Variants in TTC6 observed in about 807,000 individuals in gnomAD.
TTC6 encodes tetratricopeptide repeat domain 6, also known as tetratricopeptide repeat protein 6.
Under a neutral mutation model 210.4 loss-of-function variants are expected in TTC6, and 172 were observed. The ratio of observed to expected loss-of-function variants is 0.82; its 90% confidence interval spans 0.72 to 0.93. The LOEUF is 0.93. TTC6 is among the 40% of genes least tolerant of loss of function. TTC6 has a pLI of 0.00. For synonymous variants in TTC6, 804 were observed against 819.6 expected, an observed-to-expected ratio of 0.98 and a Z score of 0.32; for missense variants, 2,414 against 2,318.1, an observed-to-expected ratio of 1.04 and a Z score of -0.85.
chr14:37,791,333 G>A (rs1213580380), intron 16 of TTC6, among the ~76,000 whole-genome samples: 2 of 152,088 alleles, frequency 1.3e-5, no homozygotes, highest in African/African-American at 4.8e-5. Context: ...ATATGTTCAG[G>A]GAGAAATATA....
intron 1 of TTC6, among the ~76,000 whole-genome samples, chr14:37,643,762 C>T (rs2095696606): frequency 6.6e-6 from 1 of 152,100 alleles, no homozygotes; most frequent in Admixed American, 6.6e-5. Flanking sequence ...CCAAATTTCC[C>T]CTCAAGAACA....
At chr14:37,622,909 C>T (rs2095654190) in exon 1 of TTC6, 2 of 1,534,914 alleles carry the variant, frequency 1.3e-6, no homozygotes, top group South Asian at 1.2e-5. Context: ...GAGATCATCG[C>T]CTCTCTGCAG....
chr14:37,737,763 TAA>T, intron 9 of TTC6, 29 bp downstream of exon 11: 1 of 1,239,922 alleles, frequency 8.1e-7, no homozygotes, highest in Non-Finnish European at 1.1e-6. Flanking sequence ...TTTTACTCTC[TAA>T]AAGAAACATT....
upstream of TTC6, among the ~76,000 whole-genome samples, chr14:37,620,902 G>A (rs187976952): frequency 6.6e-6 from 1 of 152,274 alleles, no homozygotes; most frequent in East Asian, 1.9e-4. Context: ...TCAGACTCAG[G>A]CTCCAGCTAC....
At chr14:37,622,951 T>A (rs2095654307) in exon 1 of TTC6, 16 of 1,527,168 alleles carry the variant, frequency 1.0e-5, no homozygotes, top group Non-Finnish European at 1.4e-5. Flanking sequence ...GACCAGACCA[T>A]CAAAGAGCTC....
At chr14:37,744,054 T>C (rs927216149) in intron 10 of TTC6, among the ~76,000 whole-genome samples, 2 of 152,204 alleles carry the variant, frequency 1.3e-5, no homozygotes, top group Non-Finnish European at 2.9e-5. Context: ...ATATTTTCAA[T>C]GAAGGCAAAG....
intron 1 of TTC6, among the ~76,000 whole-genome samples, chr14:37,661,054 T>A (rs996180719): frequency 6.6e-6 from 1 of 152,220 alleles, no homozygotes; most frequent in East Asian, 1.9e-4. Flanking sequence ...CTTGTAAATT[T>A]GTTTGAGTTC....
intron 16 of TTC6, among the ~76,000 whole-genome samples, chr14:37,791,234 C>T (rs773429465): frequency 1.3e-5 from 2 of 152,016 alleles, no homozygotes; most frequent in Non-Finnish European, 2.9e-5. Flanking sequence ...GGACAGGATA[C>T]AACTCAATGG....
intron 20 of TTC6, among the ~76,000 whole-genome samples, chr14:37,798,904 T>G (rs2096099052): frequency 6.6e-6 from 1 of 152,176 alleles, no homozygotes; most frequent in Non-Finnish European, 1.5e-5. Flanking sequence ...TATTTAGTGT[T>G]AGACCAACCA....
intron 4 of TTC6, among the ~76,000 whole-genome samples, chr14:37,700,036 A>G (rs2095821955): frequency 6.6e-6 from 1 of 152,144 alleles, no homozygotes; most frequent in Non-Finnish European, 1.5e-5. Flanking sequence ...AGGAAGAGCA[A>G]TTTCAACAAG....
chr14:37,705,469 C>T (rs1452294342), intron 5 of TTC6, among the ~76,000 whole-genome samples: 3 of 152,044 alleles, frequency 2.0e-5, no homozygotes, highest in African/African-American at 7.2e-5. Context: ...TATGGGATTC[C>T]AGACTTTTCC....
At position 37,710,605 on chromosome 14, in the gene TTC6, A is replaced by G. The variant is rs145620251; in HGVS notation, c.1572-4050A>G. ...TCTGTGTACAAGCCTCTTCACATAC[A>G]TGATTTCTAAGACATTTGACTCTGA... On this transcript the variant is annotated intron_variant, in intron 5 of 30. Coordinates refer to ENST00000553443, the Ensembl canonical transcript of TTC6. Among the ~76,000 whole-genome samples, 56 of 152,226 alleles carry G rather than the reference A, an allele frequency of 3.7e-4. No homozygotes were observed. In the East Asian group the frequency reaches 9.3e-3, roughly 25 times the overall value.
chr14:37,722,814 T>C (rs984850145), intron 6 of TTC6, among the ~76,000 whole-genome samples: 3 of 152,326 alleles, frequency 2.0e-5, no homozygotes, highest in African/African-American at 7.2e-5. Flanking sequence ...ATTTAAAGTC[T>C]GTCTTTTTTT....
In TTC6 at chr14:37,654,780, A is replaced by G. The variant is rs149879647; in HGVS notation, c.940-25371A>G. Among the ~76,000 whole-genome samples the G allele has an allele frequency of 5.3e-3, 814 of 152,310 alleles. 6 individuals are homozygous for G. The highest frequency in any genetic ancestry group is 0.016 in the African/African-American group (679 of 41,566). ...AATTTAATCTCATGAATTTAAGAGA[A>G]AATATATAGTTGATATCCAGACAAA... On this transcript the variant is annotated intron_variant, in intron 1 of 30. Transcript: ENST00000553443.
intron 1 of TTC6, among the ~76,000 whole-genome samples, chr14:37,635,071 C>G (rs1443791073): frequency 6.6e-6 from 1 of 152,166 alleles, no homozygotes; most frequent in Non-Finnish European, 1.5e-5. Context: ...ATAGATTTTC[C>G]TTCTCCTCTT....
At chr14:37,687,438 G>A (rs1342195338) in intron 3 of TTC6, among the ~76,000 whole-genome samples, 1 of 152,086 alleles carries the variant, frequency 6.6e-6, no homozygotes, top group African/African-American at 2.4e-5. Flanking sequence ...AAGTCCTAGG[G>A]TTGAACTGGG....
At chr14:37,707,441 T>C (rs1193183165) in intron 5 of TTC6, among the ~76,000 whole-genome samples, 1 of 152,092 alleles carries the variant, frequency 6.6e-6, no homozygotes, top group African/African-American at 2.4e-5. Context: ...TTGTTTTGCT[T>C]AGATTTATCT....
intron 6 of TTC6, among the ~76,000 whole-genome samples, chr14:37,721,916 G>GTATATA (rs200901025): frequency 1.5e-5 from 2 of 130,676 alleles, no homozygotes; most frequent in African/African-American, 5.7e-5. Flanking sequence ...ATGTATATAT[G>GTATATA]TATATATATA....
chr14:37,629,705 C>T (rs1475447267), intron 1 of TTC6, among the ~76,000 whole-genome samples: 1 of 152,186 alleles, frequency 6.6e-6, no homozygotes, highest in African/African-American at 2.4e-5. Context: ...GGGAATGCTT[C>T]CAGCTTTTGC....
Sources: gnomAD v4.1 joint callset for allele counts (sites outside exome capture counted in the v4.1 genomes callset) on GRCh38, gnomAD v4.1.1 for gene constraint, MANE v1.5 for transcripts, NCBI Gene and HGNC (gene_info 2026-07-23, HGNC 2026-07-21) for gene names.